Variants in P2RY14 observed in about 807,000 individuals in gnomAD.
P2RY14 encodes the protein P2Y purinoceptor 14.
A neutral mutation model predicts 0.9 loss-of-function variants in P2RY14; 2 were observed. That is an observed-to-expected ratio of 2.16 (90% confidence interval 0.88 to 6.79). P2RY14 has a LOEUF of 6.79. Among genes scored for constraint, P2RY14 ranks in the 30% most tolerant of loss-of-function variants. The probability of loss-of-function intolerance (pLI) is 0.05; values close to 1 mark genes in which losing one functional copy is unlikely to be tolerated. For synonymous variants in P2RY14, 158 were observed against 147.2 expected (o/e 1.07, Z -0.53); for missense variants, 378 against 400.1 (o/e 0.94, Z 0.47).
chr3:151,239,537 AT>A (rs1211645744), intron 1 of P2RY14, among the ~76,000 whole-genome samples: 1 of 152,188 alleles, frequency 6.6e-6, no homozygotes, highest in Non-Finnish European at 1.5e-5. Flanking sequence ...GTTGACATAA[AT>A]TTTTTTGAAA....
intron 1 of P2RY14, among the ~76,000 whole-genome samples, chr3:151,262,167 A>G (rs1739038946): frequency 1.3e-5 from 2 of 152,240 alleles, no homozygotes; most frequent in Non-Finnish European, 2.9e-5. Context: ...GACACATTTT[A>G]TACACTAGCA....
intron 1 of P2RY14, among the ~76,000 whole-genome samples, chr3:151,224,058 T>G (rs1729969959): frequency 6.6e-6 from 1 of 152,206 alleles, no homozygotes; most frequent in African/African-American, 2.4e-5. Context: ...ACTGGTACAT[T>G]GGTGTTATCA....
chr3:151,246,578 CT>C lies in P2RY14; in HGVS notation c.-132-26937del, dbSNP rs1250835126. Among the ~76,000 whole-genome samples the C allele has an allele frequency of 2.6e-5, 4 of 152,228 alleles. No homozygotes were observed. In the East Asian group the frequency reaches 5.8e-4, roughly 22 times the overall value. On this transcript the variant is annotated intron_variant, in intron 1 of 2. Transcript: ENST00000309170. Reference sequence around the variant, plus strand: ...AAACTGGCTAGCCATATGTAGAAAGCTGAAACTGGATCCCTTTCTTACACCT... The same window carrying C: ...AAACTGGCTAGCCATATGTAGAAAGCGAAACTGGATCCCTTTCTTACACCT...
chr3:151,247,230 A>C (rs1451774341), intron 1 of P2RY14, among the ~76,000 whole-genome samples: 2 of 152,226 alleles, frequency 1.3e-5, no homozygotes, highest in East Asian at 3.9e-4. Flanking sequence ...CTAGAACTGG[A>C]AATACCATTT....
At chr3:151,248,100 A>G (rs1736090515) in intron 1 of P2RY14, among the ~76,000 whole-genome samples, 1 of 151,608 alleles carries the variant, frequency 6.6e-6, no homozygotes, top group African/African-American at 2.4e-5. Context: ...ACACAATAAT[A>G]TTCCTTGTCC....
intron 1 of P2RY14, among the ~76,000 whole-genome samples, chr3:151,230,748 G>A (rs1261594468): frequency 6.6e-6 from 1 of 152,212 alleles, no homozygotes; most frequent in East Asian, 1.9e-4. Flanking sequence ...ATGTCTGTAA[G>A]TCATGACACC....
chr3:151,224,014 A>G (rs1729959413), intron 1 of P2RY14, among the ~76,000 whole-genome samples: 1 of 152,194 alleles, frequency 6.6e-6, no homozygotes, highest in Admixed American at 6.5e-5. Flanking sequence ...TCTGAATCAA[A>G]TATGCCTAAT....
At position 151,257,075 on chromosome 3, in the gene P2RY14, A is replaced by G. The variant is rs183758916; in HGVS notation, c.-133+21212T>C. On this transcript the variant is annotated intron_variant, in intron 1 of 2. Coordinates refer to ENST00000309170, the MANE Select transcript of P2RY14 (RefSeq NM_014879.4). ...TACAGCTGCTTCTGAGATACAAGAA[A>G]TGGTGTAGTTTTAAAAAGAAATGCT... Among the ~76,000 whole-genome samples, 299 of 152,202 alleles carry G rather than the reference A, an allele frequency of 2.0e-3. 1 individual carries two copies. The highest frequency in any genetic ancestry group is 6.9e-3 in the African/African-American group (288 of 41,556).
Position 151,213,713 on chromosome 3 carries a change from A to G in P2RY14, c.604T>C (p.Leu202=), listed in dbSNP as rs898201177. The part of the protein sequence containing the change: ...VAIFWIVFLL[L]IVFYTAITKK... Reference sequence around the variant, plus strand: ...GTGATAGCAGTATAGAAAACGATTAACAAAAGAAACACAATCCAGAAGATG... The same window carrying G: ...GTGATAGCAGTATAGAAAACGATTAGCAAAAGAAACACAATCCAGAAGATG... The change falls in exon 3 of 3, where the codon TTA becomes CTA. Residue 202 remains leucine, a synonymous_variant. Coordinates refer to ENST00000309170, the MANE Select transcript of P2RY14 (RefSeq NM_014879.4). 3 of 1,614,088 alleles carry G rather than the reference A, an allele frequency of 1.9e-6. No individual in the cohort carries two copies. The African/African-American group carries it at 4.0e-5, about 22-fold the overall frequency.
intron 1 of P2RY14, among the ~76,000 whole-genome samples, chr3:151,248,461 A>G (rs1272471896): frequency 1.3e-5 from 2 of 152,044 alleles, no homozygotes; most frequent in African/African-American, 4.8e-5. Context: ...TCTTCAGTAT[A>G]TTCGTTCTTT....
In P2RY14 at chr3:151,213,223, A is replaced by G. The variant is rs1176416255; in HGVS notation, c.*77T>C. On this transcript the variant is annotated 3_prime_UTR_variant, in exon 3 of 3. Transcript: ENST00000309170. ...GAGATGATATTTATGATGAGGGCAC[A>G]TATCTTATTGATTTCTGTTATGTAA... 4 of 1,100,756 alleles carry G rather than the reference A, an allele frequency of 3.6e-6. No individual in the cohort carries two copies. The highest frequency in any genetic ancestry group is 2.3e-5 in the Admixed American group (1 of 43,124). The allele number at this position is 1,100,756 out of a possible 1,614,324, so 68.2% of individuals were successfully genotyped here.
intron 1 of P2RY14, among the ~76,000 whole-genome samples, chr3:151,232,172 ATTCTT>A (rs1731817769): frequency 6.6e-6 from 1 of 151,652 alleles, no homozygotes; most frequent in Non-Finnish European, 1.5e-5. Flanking sequence ...TTCTTGTTCT[ATTCTT>A]GGCCATTTTC....
At chr3:151,228,914 C>G (rs1731061820) in intron 1 of P2RY14, among the ~76,000 whole-genome samples, 1 of 152,186 alleles carries the variant, frequency 6.6e-6, no homozygotes, top group Admixed American at 6.5e-5. Context: ...TCCATGACCT[C>G]TTTTCGCCTC....
intron 1 of P2RY14, among the ~76,000 whole-genome samples, chr3:151,219,893 C>G (rs1434601489): frequency 2.3e-4 from 1 of 4,404 alleles, no homozygotes; most frequent in Non-Finnish European, 5.5e-4. Flanking sequence ...TTTATATTAC[C>G]CCCCCCCCCC....
intron 1 of P2RY14, among the ~76,000 whole-genome samples, chr3:151,246,863 C>T (rs543786180): frequency 6.6e-6 from 1 of 152,112 alleles, no homozygotes; most frequent in African/African-American, 2.4e-5. Context: ...CTTTTCGCAA[C>T]CTACTCATCT....
chr3:151,256,188 A>G (rs895507089), intron 1 of P2RY14, among the ~76,000 whole-genome samples: 1 of 152,244 alleles, frequency 6.6e-6, no homozygotes, highest in African/African-American at 2.4e-5. Flanking sequence ...TTTTAGATAC[A>G]TAGCAATACA....
At chr3:151,219,974 A>G (rs1187498705) in intron 1 of P2RY14, among the ~76,000 whole-genome samples, 2 of 149,090 alleles carry the variant, frequency 1.3e-5, no homozygotes, top group African/African-American at 2.5e-5. Context: ...CCATGAAATC[A>G]TAAGTCTAAT....
chr3:151,240,616 A>C (rs980475996), intron 1 of P2RY14, among the ~76,000 whole-genome samples: 8 of 151,526 alleles, frequency 5.3e-5, no homozygotes, highest in African/African-American at 1.9e-4. Context: ...GTTTATCTTT[A>C]AGCATCTCCT....
intron 1 of P2RY14, among the ~76,000 whole-genome samples, chr3:151,238,333 G>C (rs891061259): frequency 1.3e-5 from 2 of 152,102 alleles, no homozygotes; most frequent in South Asian, 4.1e-4. Context: ...TTTTAGTAGA[G>C]ACGGGGTTTC....
Sources: gnomAD v4.1 joint callset for allele counts (sites outside exome capture counted in the v4.1 genomes callset) on GRCh38, gnomAD v4.1.1 for gene constraint, MANE v1.5 for transcripts, NCBI Gene and HGNC (gene_info 2026-07-23, HGNC 2026-07-21) for gene names.